The following ABCA4 variants were observed in gnomAD, a reference collection of about 807,000 sequenced individuals.
ABCA4 encodes the protein retinal-specific phospholipid-transporting ATPase ABCA4.
In ABCA4, 196 loss-of-function variants were observed where a neutral mutation model predicts 263.7. That is an observed-to-expected ratio of 0.74 (90% CI 0.66 to 0.84). The LOEUF (loss-of-function observed/expected upper bound fraction) is 0.84, where lower values mean the gene tolerates loss of function less well. Among genes scored for constraint, ABCA4 ranks in the 40% least tolerant of loss-of-function variants. The pLI, the probability that ABCA4 is intolerant of heterozygous loss-of-function variation, is 0.00. For missense variants in ABCA4, 2,792 were observed against 2,855.1 expected (o/e 0.98, Z 0.50); for synonymous variants, 1,133 against 1,094.2 (o/e 1.04, Z -0.70).
intron 17 of ABCA4, among the ~76,000 whole-genome samples, chr1:94,049,918 A>G (rs950685557): frequency 2.0e-5 from 3 of 152,210 alleles, no homozygotes; most frequent in Non-Finnish European, 4.4e-5. Flanking sequence ...GAAGGGGAAG[A>G]GGAGCAGAAG....
At chr1:94,114,284 A>C (rs761621448) in intron 1 of ABCA4, among the ~76,000 whole-genome samples, 1 of 152,198 alleles carries the variant, frequency 6.6e-6, no homozygotes, top group Admixed American at 6.5e-5. Context: ...AGATTATAAG[A>C]AACTAAAAAA....
chr1:94,058,154 C>G (rs951298320), intron 14 of ABCA4, among the ~76,000 whole-genome samples: 1 of 152,084 alleles, frequency 6.6e-6, no homozygotes, highest in Non-Finnish European at 1.5e-5. Context: ...CAAAGGGGAG[C>G]GGGGCACAGA....
chr1:94,032,837 G>T (rs189015016), intron 26 of ABCA4, among the ~76,000 whole-genome samples: 34 of 152,332 alleles, frequency 2.2e-4, no homozygotes, highest in Admixed American at 7.8e-4. Flanking sequence ...TCCCTGGGGA[G>T]GCAGAGTTGG....
At chr1:94,008,340 G>A (rs2275031) in intron 41 of ABCA4, 43 bp from the exon 42 acceptor site, 1 of 1,582,920 alleles carries the variant, frequency 6.3e-7, no homozygotes, top group Non-Finnish European at 8.7e-7. Context: ...GAGACAGGGT[G>A]AGAGCAAGGA....
At chr1:94,078,488 C>A (rs879913894) in intron 10 of ABCA4, 102 bp downstream of exon 10, 38 of 940,370 alleles carry the variant, frequency 4.0e-5, no homozygotes, top group Non-Finnish European at 6.4e-5. Context: ...GATCTAACTC[C>A]AATAGCGATT....
At chr1:94,064,528 T>G (rs536952936) in intron 11 of ABCA4, among the ~76,000 whole-genome samples, 1 of 152,220 alleles carries the variant, frequency 6.6e-6, no homozygotes, top group East Asian at 1.9e-4. Context: ...CCTACAAGAA[T>G]AGATCAGTGG....
intron 11 of ABCA4, among the ~76,000 whole-genome samples, chr1:94,070,587 T>G (rs944388648): frequency 1.3e-5 from 2 of 152,122 alleles, no homozygotes; most frequent in Non-Finnish European, 2.9e-5. Flanking sequence ...AAAAGAAAAG[T>G]AAGGCAGTTT....
rs118176080 is a variant in ABCA4 at position 94,038,141 on chromosome 1, G to A, written c.3608-791C>T. 1.5e-4 allele frequency among the ~76,000 whole-genome samples: 23 copies of A among 151,770 alleles called. 1 individual carries two copies. In the South Asian group the frequency reaches 4.0e-3, roughly 26 times the overall value. On this transcript the variant is annotated intron_variant, in intron 24 of 49. Transcript: ENST00000370225. Reference sequence around the variant, plus strand: ...CAGGTCACAGGAAATGCAGAGGGGGGGTTGAGAAGCCATGGAGAGAGGCTG... The same window carrying A: ...CAGGTCACAGGAAATGCAGAGGGGGAGTTGAGAAGCCATGGAGAGAGGCTG...
At chr1:94,099,224 G>A (rs1662224539) in intron 5 of ABCA4, among the ~76,000 whole-genome samples, 1 of 152,200 alleles carries the variant, frequency 6.6e-6, no homozygotes. Flanking sequence ...GGAGGCAGAA[G>A]AAACAGAGTC....
intron 38 of ABCA4, among the ~76,000 whole-genome samples, chr1:94,012,536 T>A (rs1044386368): frequency 6.6e-6 from 1 of 152,174 alleles, no homozygotes; most frequent in Non-Finnish European, 1.5e-5. Context: ...TCCTAATTAT[T>A]TTTTTGTCCT....
intron 8 of ABCA4, 150 bp from the exon 9 acceptor site, chr1:94,079,611 T>A (rs927670182): frequency 3.8e-5 from 44 of 1,143,528 alleles, no homozygotes; most frequent in Non-Finnish European, 5.3e-5. Context: ...ACCCCACCAA[T>A]AACAAGCTCA....
chr1:94,066,849 C>A (rs1661281181), intron 11 of ABCA4, among the ~76,000 whole-genome samples: 1 of 152,204 alleles, frequency 6.6e-6, no homozygotes, highest in Admixed American at 6.5e-5. Context: ...CTATATCTGC[C>A]CTGTCCAATA....
At chr1:94,037,018 T>C (rs1312480415) in intron 25 of ABCA4, 127 bp downstream of exon 25, 8 of 1,057,238 alleles carry the variant, frequency 7.6e-6, no homozygotes, top group Non-Finnish European at 1.2e-5. Context: ...AAAATAAAGA[T>C]AGTTGCTATG....
rs61783977 is a variant in ABCA4, at chr1:94,072,269, T to C, written c.1554+5421A>G. ...GAGGAAAAAGCAGTTAATGAATGCA[T>C]GTTTTTTCACAGCTTAGAGAAATAC... On this transcript the variant is annotated intron_variant, in intron 11 of 49. Coordinates refer to ENST00000370225, the MANE Select transcript of ABCA4 (RefSeq NM_000350.3). Among the ~76,000 whole-genome samples the C allele has an allele frequency of 9.0e-3, 1,364 of 152,352 alleles. 24 individuals carry two copies. Among genetic ancestry groups the C allele is most frequent in the Non-Finnish European group, 9.6e-3 (654 of 68,024 alleles).
At chr1:94,035,425 T>A (rs1660311108) in intron 26 of ABCA4, among the ~76,000 whole-genome samples, 1 of 152,144 alleles carries the variant, frequency 6.6e-6, no homozygotes, top group Admixed American at 6.5e-5. Flanking sequence ...GACGACTACA[T>A]CTTTTGGTCA....
chr1:94,105,913 C>T (rs539275740), intron 4 of ABCA4, among the ~76,000 whole-genome samples: 1 of 152,322 alleles, frequency 6.6e-6, no homozygotes, highest in East Asian at 1.9e-4. Flanking sequence ...CACCCCCACC[C>T]GCTCGCTTTC....
intron 4 of ABCA4, among the ~76,000 whole-genome samples, chr1:94,106,881 G>A (rs897692485): frequency 3.9e-5 from 6 of 151,960 alleles, no homozygotes; most frequent in South Asian, 4.1e-4. Flanking sequence ...CCCCACACGC[G>A]CTGTGGTCAT....
At chr1:94,084,985 G>C (rs536100466) in intron 6 of ABCA4, among the ~76,000 whole-genome samples, 1 of 152,294 alleles carries the variant, frequency 6.6e-6, no homozygotes, top group East Asian at 1.9e-4. Flanking sequence ...GAGATGAAAA[G>C]AGACCTGAGA....
Position 93,993,125 on chromosome 1 carries a change from G to C in ABCA4, c.*112C>G. On this transcript the variant is annotated 3_prime_UTR_variant, in exon 50 of 50. Coordinates refer to ENST00000370225, the MANE Select transcript of ABCA4 (RefSeq NM_000350.3). The stretch of plus-strand genomic sequence containing the variant: ...CCTCGTGTGTTTGTTTTCTGCTGCA[G>C]TGGGGTCATTTACGCTGGCCAGTCC... 1 of 1,403,648 alleles carries C rather than the reference G, an allele frequency of 7.1e-7. No homozygotes were observed. Among genetic ancestry groups the C allele is most frequent in the Admixed American group, 1.7e-5 (1 of 58,270 alleles). The allele number at this position is 1,403,648 out of a possible 1,614,324, so 86.9% of individuals were successfully genotyped here.
Sources: gnomAD v4.1 joint callset for allele counts (sites outside exome capture counted in the v4.1 genomes callset) on GRCh38, gnomAD v4.1.1 for gene constraint, MANE v1.5 for transcripts, NCBI Gene and HGNC (gene_info 2026-07-23, HGNC 2026-07-21) for gene names.